NRG3: variants seen among roughly 807,000 people sequenced by gnomAD.
The protein encoded by NRG3 is pro-neuregulin-3, membrane-bound isoform.
A neutral mutation model predicts 66.9 loss-of-function variants in NRG3; 31 were observed. The ratio of observed to expected loss-of-function variants is 0.46; its 90% CI spans 0.35 to 0.63. The LOEUF is 0.63. Among genes scored for constraint, NRG3 ranks in the 20% least tolerant of loss-of-function variants. NRG3 has a pLI of 0.00. For synonymous variants in NRG3, 393 were observed against 359.4 expected (o/e 1.09, Z -1.06); for missense variants, 910 against 878.9 (o/e 1.04, Z -0.45).
intron 2 of NRG3, among the ~76,000 whole-genome samples, chr10:82,360,618 A>T (rs2084071945): frequency 6.6e-6 from 1 of 152,198 alleles, no homozygotes; most frequent in Admixed American, 6.5e-5. Flanking sequence ...TGTATTCTTC[A>T]TTACTTCATG....
chr10:81,969,997 C>T (rs751692138), intron 1 of NRG3, among the ~76,000 whole-genome samples: 5 of 152,050 alleles, frequency 3.3e-5, no homozygotes, highest in Non-Finnish European at 7.3e-5. Flanking sequence ...TTAAATATTG[C>T]TTCTATCATA....
At chr10:82,362,149 G>A (rs1321766174) in intron 2 of NRG3, among the ~76,000 whole-genome samples, 1 of 148,394 alleles carries the variant, frequency 6.7e-6, no homozygotes, top group African/African-American at 2.5e-5. Flanking sequence ...GTTGAAAGTG[G>A]GGGACATGTT....
At chr10:82,479,947 T>G (rs1342710480) in intron 2 of NRG3, among the ~76,000 whole-genome samples, 1 of 152,110 alleles carries the variant, frequency 6.6e-6, no homozygotes, top group Non-Finnish European at 1.5e-5. Context: ...CAGCCTGGGC[T>G]ACAGAGCGAG....
At position 82,378,877 on chromosome 10, in the gene NRG3, G is replaced by A. The variant is rs115558442; in HGVS notation, c.953+20009G>A. Among the ~76,000 whole-genome samples, 828 of 152,114 alleles carry A rather than the reference G, an allele frequency of 5.4e-3. 8 individuals carry two copies. Among genetic ancestry groups the A allele is most frequent in the African/African-American group, 0.019 (805 of 41,496 alleles). On this transcript the variant is annotated intron_variant, in intron 2 of 8. Coordinates refer to ENST00000372141, the MANE Select transcript of NRG3 (RefSeq NM_001010848.4). The stretch of plus-strand genomic sequence containing the variant: ...TGAGCCGCCGCGCCTGGCTGCTGAT[G>A]GAATTTTCTCTTGCTTCTCTCCTTC...
intron 2 of NRG3, among the ~76,000 whole-genome samples, chr10:82,606,163 A>G (rs1467719804): frequency 1.3e-5 from 2 of 152,076 alleles, no homozygotes; most frequent in African/African-American, 2.4e-5. Flanking sequence ...ATACACATCA[A>G]ATGCTATAAA....
intron 3 of NRG3, among the ~76,000 whole-genome samples, chr10:82,760,647 T>G (rs2059265884): frequency 1.3e-5 from 2 of 152,068 alleles, no homozygotes; most frequent in African/African-American, 2.4e-5. Flanking sequence ...TATTCTGCAT[T>G]ACAGAGGCTA....
chr10:82,130,237 A>G (rs1440746188), intron 1 of NRG3, among the ~76,000 whole-genome samples: 1 of 150,992 alleles, frequency 6.6e-6, no homozygotes, highest in Non-Finnish European at 1.5e-5. Context: ...ATATATTTTT[A>G]TTATACTTTA....
At chr10:82,908,987 G>A (rs937139470) in intron 4 of NRG3, among the ~76,000 whole-genome samples, 2 of 152,152 alleles carry the variant, frequency 1.3e-5, no homozygotes, top group Non-Finnish European at 2.9e-5. Context: ...TAGACACCAC[G>A]CCCCAGATGA....
chr10:82,705,934 A>G (rs1355942123), intron 2 of NRG3, among the ~76,000 whole-genome samples: 2 of 152,186 alleles, frequency 1.3e-5, no homozygotes, highest in Non-Finnish European at 2.9e-5. Flanking sequence ...AAAACTATTG[A>G]TTAAAATATG....
At chr10:82,909,260 G>A (rs945895462) in intron 4 of NRG3, among the ~76,000 whole-genome samples, 1 of 152,144 alleles carries the variant, frequency 6.6e-6, no homozygotes, top group Non-Finnish European at 1.5e-5. Flanking sequence ...GACCTTCAAT[G>A]CAGAGAAATG....
At chr10:82,301,019 T>C (rs2080372960) in intron 1 of NRG3, among the ~76,000 whole-genome samples, 1 of 152,178 alleles carries the variant, frequency 6.6e-6, no homozygotes, top group Non-Finnish European at 1.5e-5. Flanking sequence ...TTAAAGATAA[T>C]GTTCCTGTCC....
intron 2 of NRG3, among the ~76,000 whole-genome samples, chr10:82,602,367 C>T (rs925632728): frequency 6.6e-6 from 1 of 152,030 alleles, no homozygotes; most frequent in African/African-American, 2.4e-5. Flanking sequence ...TATCACATCA[C>T]AGTATAATGC....
intron 1 of NRG3, among the ~76,000 whole-genome samples, chr10:82,199,896 G>A (rs1206437658): frequency 7.0e-6 from 1 of 142,730 alleles, no homozygotes; most frequent in African/African-American, 2.8e-5. Flanking sequence ...GTGCGTGTGT[G>A]TGTGTGTGTG....
At chr10:82,131,927 T>A (rs920050052) in intron 1 of NRG3, among the ~76,000 whole-genome samples, 2 of 152,130 alleles carry the variant, frequency 1.3e-5, no homozygotes, top group African/African-American at 4.8e-5. Context: ...TAGTAATAGT[T>A]TTTTTGGTGC....
At chr10:82,867,611 C>G (rs1489077094) in intron 4 of NRG3, among the ~76,000 whole-genome samples, 1 of 152,090 alleles carries the variant, frequency 6.6e-6, no homozygotes, top group Admixed American at 6.6e-5. Context: ...GCTCTTGAGA[C>G]AGGTAGAGGA....
chr10:82,203,342 C>CA lies in NRG3; in HGVS notation c.824-155394dup, dbSNP rs145812775. 4.3e-4 allele frequency among the ~76,000 whole-genome samples: 65 copies of CA among 152,224 alleles called. 1 individual carries two copies. Among genetic ancestry groups the CA allele is most frequent in the African/African-American group, 1.6e-3 (65 of 41,536 alleles). The stretch of plus-strand genomic sequence containing the variant: ...TAGCGGATAAAGCAGAAGAAAGCAT[C>CA]AAACACGCCTCCTAGTACTTGAGCT... On this transcript the variant is annotated intron_variant, in intron 1 of 8. Coordinates refer to ENST00000372141, the MANE Select transcript of NRG3 (RefSeq NM_001010848.4).
chr10:82,789,120 T>C (rs1363813752), intron 3 of NRG3, among the ~76,000 whole-genome samples: 1 of 152,144 alleles, frequency 6.6e-6, no homozygotes, highest in Non-Finnish European at 1.5e-5. Context: ...ACCAGAAATA[T>C]ATGAGAATTC....
chr10:82,632,240 C>T (rs1044111124), intron 2 of NRG3, among the ~76,000 whole-genome samples: 2 of 152,168 alleles, frequency 1.3e-5, no homozygotes, highest in Non-Finnish European at 2.9e-5. Flanking sequence ...ACATTTTTTT[C>T]TGATCCATAA....
intron 1 of NRG3, among the ~76,000 whole-genome samples, chr10:82,063,319 GAA>G (rs56765437): frequency 3.3e-5 from 5 of 149,844 alleles, no homozygotes; most frequent in South Asian, 4.2e-4. Flanking sequence ...ACGCAAATGT[GAA>G]AAAAAAAAGG....
Sources: allele counts gnomAD v4.1 joint callset (sites outside exome capture counted in the v4.1 genomes callset), GRCh38; gene constraint gnomAD v4.1.1; transcripts MANE v1.5; gene names NCBI Gene and HGNC (gene_info 2026-07-23, HGNC 2026-07-21).